The following SDCCAG8 variants were observed in gnomAD, a reference collection of about 807,000 sequenced individuals.
SDCCAG8 encodes the protein SHH signaling and ciliogenesis regulator SDCCAG8, also known as serologically defined colon cancer antigen 8.
Under a neutral mutation model 101.8 loss-of-function variants are expected in SDCCAG8, and 74 were observed. That is an observed-to-expected ratio of 0.73 (90% CI 0.60 to 0.88). The LOEUF is 0.88. Ranked by LOEUF, SDCCAG8 falls within the 40% of genes least tolerant of loss-of-function variation. The probability of loss-of-function intolerance (pLI) is 0.00; values close to 1 mark genes in which losing one functional copy is unlikely to be tolerated. For synonymous variants in SDCCAG8, 281 were observed against 292.9 expected, an observed-to-expected ratio of 0.96 and a Z score of 0.41; for missense variants, 787 against 822.6, an observed-to-expected ratio of 0.96 and a Z score of 0.53.
intron 12 of SDCCAG8, among the ~76,000 whole-genome samples, chr1:243,366,855 A>T (rs1210722512): frequency 1.3e-5 from 2 of 152,074 alleles, no homozygotes; most frequent in Non-Finnish European, 2.9e-5. Context: ...GTATATATAC[A>T]TGTATATAAA....
In SDCCAG8 at chr1:243,485,894, GA is replaced by G. The variant is rs111581512; in HGVS notation, c.1986-3107del. 9.5e-3 allele frequency among the ~76,000 whole-genome samples: 973 copies of G among 102,208 alleles called. 10 individuals carry two copies. The highest frequency in any genetic ancestry group is 0.029 in the African/African-American group (777 of 26,862). The allele number at this position is 102,208 out of a possible 152,430, so 67.1% of individuals were successfully genotyped here. ...GCAACAAAGCAAGACTTCGTATCAA[GA>G]AAAAAAAAAAAATCAATCTCGGGCC... On this transcript the variant is annotated intron_variant, in intron 16 of 17. Coordinates refer to ENST00000366541, the MANE Select transcript of SDCCAG8 (RefSeq NM_006642.5).
Position 243,262,212 on chromosome 1 carries a change from T to G in SDCCAG8, c.67+5972T>G, listed in dbSNP as rs1181742187. On this transcript the variant is annotated intron_variant, in intron 1 of 17. Coordinates refer to ENST00000366541, the MANE Select transcript of SDCCAG8 (RefSeq NM_006642.5). The stretch of plus-strand genomic sequence containing the variant: ...ACTTCTGCCTCCTGAGTTCAAGCGA[T>G]TCTCCTGCCTCAGCCTCCCGAGTAG... Among the ~76,000 whole-genome samples, 8 of 148,308 alleles carry G rather than the reference T, an allele frequency of 5.4e-5. 1 individual carries two copies. In the East Asian group the frequency reaches 1.6e-3, roughly 29 times the overall value.
At chr1:243,328,366 C>A (rs1164549602) in intron 9 of SDCCAG8, among the ~76,000 whole-genome samples, 3 of 152,002 alleles carry the variant, frequency 2.0e-5, no homozygotes, top group Non-Finnish European at 4.4e-5. Context: ...GCAACCTCCG[C>A]CTCCTGGGTT....
chr1:243,338,622 C>T (rs1437049620), intron 10 of SDCCAG8: 1 of 152,098 alleles, frequency 6.6e-6, no homozygotes, highest in Non-Finnish European at 1.5e-5. Flanking sequence ...ATTGAGCACC[C>T]CCTGAGGTCC....
At chr1:243,337,218 C>T (rs2075070443) in intron 10 of SDCCAG8, among the ~76,000 whole-genome samples, 1 of 152,212 alleles carries the variant, frequency 6.6e-6, no homozygotes, top group Non-Finnish European at 1.5e-5. Flanking sequence ...TTTCATTCTT[C>T]TGCATATGGC....
chr1:243,423,851 T>G (rs1230761866), intron 15 of SDCCAG8, among the ~76,000 whole-genome samples: 1 of 152,116 alleles, frequency 6.6e-6, no homozygotes, highest in East Asian at 1.9e-4. Context: ...TTAGGCAAAT[T>G]ATTCAACTTC....
intron 9 of SDCCAG8, among the ~76,000 whole-genome samples, chr1:243,323,877 T>A (rs1178324892): frequency 6.6e-6 from 1 of 152,206 alleles, no homozygotes; most frequent in Non-Finnish European, 1.5e-5. Context: ...TTGATTTAGC[T>A]GATATGTTAC....
Position 243,293,107 on chromosome 1 carries a change from C to A in SDCCAG8, c.563C>A (p.Ser188Tyr), listed in dbSNP as rs2070434948. The change falls in exon 6 of 18, where the codon TCT becomes TAT. Residue 188 changes from serine to tyrosine, a missense_variant. Coordinates refer to ENST00000366541, the MANE Select transcript of SDCCAG8 (RefSeq NM_006642.5). ...LLDASGNMHN[S>Y]WITTGEDSGV... ...TTATTTTAGGGAAACATGCACAATT[C>A]TTGGATTACAACAGGTGAAGATTCT... The A allele has an allele frequency of 6.2e-7, 1 of 1,614,068 alleles. No individual in the cohort carries two copies. The highest frequency in any genetic ancestry group is 8.5e-7 in the Non-Finnish European group (1 of 1,179,968).
chr1:243,324,151 A>G (rs1002101948), intron 9 of SDCCAG8, among the ~76,000 whole-genome samples: 1 of 151,672 alleles, frequency 6.6e-6, no homozygotes, highest in Non-Finnish European at 1.5e-5. Flanking sequence ...TTTTTTATGG[A>G]TGATACACTG....
At chr1:243,316,706 A>T in intron 8 of SDCCAG8, 49 bp from the exon 9 acceptor site, 1 of 1,612,038 alleles carries the variant, frequency 6.2e-7, no homozygotes, top group South Asian at 1.1e-5. Context: ...TTATGAGGAC[A>T]GGATCGTTTG....
chr1:243,345,874 C>T (rs1276101406), intron 12 of SDCCAG8, among the ~76,000 whole-genome samples: 4 of 152,146 alleles, frequency 2.6e-5, no homozygotes, highest in African/African-American at 9.7e-5. Flanking sequence ...TTACAAGGAG[C>T]AGTTTTCATT....
chr1:243,397,640 C>A (rs2079106859), intron 13 of SDCCAG8, among the ~76,000 whole-genome samples: 1 of 152,146 alleles, frequency 6.6e-6, no homozygotes, highest in Non-Finnish European at 1.5e-5. Context: ...GATCTCTGTT[C>A]ATTTTGTGAA....
At chr1:243,480,236 C>T (rs547131632) in intron 16 of SDCCAG8, among the ~76,000 whole-genome samples, 1 of 149,246 alleles carries the variant, frequency 6.7e-6, no homozygotes, top group Non-Finnish European at 1.5e-5. Flanking sequence ...GTGCAGGAAC[C>T]TGGATGTGAA....
intron 9 of SDCCAG8, among the ~76,000 whole-genome samples, chr1:243,321,691 C>T (rs1439891278): frequency 6.6e-6 from 1 of 152,060 alleles, no homozygotes; most frequent in Non-Finnish European, 1.5e-5. Context: ...GTTCTGTTGC[C>T]CAAGCTGGAG....
Position 243,498,941 on chromosome 1 carries a change from C to T in SDCCAG8, c.2113-815C>T, listed in dbSNP as rs1233800522. ...AATACCATCCTGGCTTTTCTCTGGA[C>T]TTCACAATCTAGAGGGCGAGGACTG... On this transcript the variant is annotated intron_variant, in intron 17 of 17. Coordinates refer to ENST00000366541, the MANE Select transcript of SDCCAG8 (RefSeq NM_006642.5). 2.0e-5 allele frequency among the ~76,000 whole-genome samples: 3 copies of T among 152,226 alleles called. No homozygotes were observed. The East Asian group carries it at 5.8e-4, about 29-fold the overall frequency.
At position 243,341,091 on chromosome 1, in the gene SDCCAG8, T is replaced by C. The variant is rs779777531; in HGVS notation, c.1274T>C (p.Val425Ala). The C allele has an allele frequency of 4.3e-6, 7 of 1,613,906 alleles. No homozygotes were observed. In the African/African-American group the frequency reaches 5.3e-5, roughly 12 times the overall value. The change falls in exon 11 of 18, where the codon GTT becomes GCT. Residue 425 changes from valine to alanine, a missense_variant. Transcript: ENST00000366541. ...CAACTGGAGGCCCAGGTGGAAAAGG[T>C]TACAAAGGAAAAGATTTCAGCTATT... Reference protein sequence around the residue: ...IAQLEAQVEKVTKEKISAINQ... With the variant: ...IAQLEAQVEKATKEKISAINQ...
In SDCCAG8 at chr1:243,379,557, T is replaced by TAC. The variant is rs200710387; in HGVS notation, c.1616+704_1616+705dup. Among the ~76,000 whole-genome samples the TAC allele has an allele frequency of 5.4e-3, 824 of 152,084 alleles. 14 individuals are homozygous for TAC. The highest frequency in any genetic ancestry group is 0.018 in the African/African-American group (752 of 41,506). On this transcript the variant is annotated intron_variant, in intron 13 of 17. Coordinates refer to ENST00000366541, the MANE Select transcript of SDCCAG8 (RefSeq NM_006642.5). ...CATTGGAAAAAAACATACACACACATACACACACACATAAATACACACATG... is the reference window on the plus strand; with the variant it reads ...CATTGGAAAAAAACATACACACACATACACACACACACATAAATACACACATG...
intron 15 of SDCCAG8, 43 bp from the exon 16 acceptor site, chr1:243,426,384 T>G: frequency 6.4e-7 from 1 of 1,559,214 alleles, no homozygotes. Flanking sequence ...GCCCTAGTAA[T>G]AAGAACTTCT....
At position 243,274,617 on chromosome 1, in the gene SDCCAG8, A is replaced by G. The variant is rs2068375206; in HGVS notation, c.381A>G (p.Gln127=). Residue 127 remains glutamine, a synonymous_variant, in exon 4 of 18, where the codon CAA becomes CAG. Coordinates refer to ENST00000366541, the MANE Select transcript of SDCCAG8 (RefSeq NM_006642.5). ...TTCATACTATTAATGACCAGTCTCA[A>G]TATATTCATCATTTAGAGGCAGAAG... The part of the protein sequence containing the change: ...DLVHTINDQS[Q]YIHHLEAEVK... 2 of 1,610,736 alleles carry G rather than the reference A, an allele frequency of 1.2e-6. No individual in the cohort carries two copies. Among genetic ancestry groups the G allele is most frequent in the Non-Finnish European group, 8.5e-7 (1 of 1,177,412 alleles).
Sources: allele counts gnomAD v4.1 joint callset (sites outside exome capture counted in the v4.1 genomes callset), GRCh38; gene constraint gnomAD v4.1.1; transcripts MANE v1.5; gene names NCBI Gene and HGNC (gene_info 2026-07-23, HGNC 2026-07-21).